GPR176: variants seen among roughly 807,000 people sequenced by gnomAD.
The protein encoded by GPR176 is G protein-coupled receptor 176.
In GPR176, 26 loss-of-function variants were observed where a neutral mutation model predicts 35.4. The observed-to-expected ratio is 0.74, with a 90% CI of 0.54 to 1.02. The LOEUF is 1.02. Among genes scored for constraint, GPR176 ranks in the 50% least tolerant of loss-of-function variants. The probability of loss-of-function intolerance (pLI) is 0.00; values close to 1 mark genes in which losing one functional copy is unlikely to be tolerated. For missense variants in GPR176, 597 were observed against 665.3 expected (o/e 0.90, Z 1.13); for synonymous variants, 278 against 271.3 (o/e 1.02, Z -0.24).
At chr15:39,850,599 G>C (rs561632918) in intron 1 of GPR176, among the ~76,000 whole-genome samples, 18 of 152,074 alleles carry the variant, frequency 1.2e-4, no homozygotes, top group African/African-American at 4.3e-4. Context: ...AGTAGGTGTG[G>C]TTATAAAAGG....
At chr15:39,827,291 C>T (rs1168280339) in intron 1 of GPR176, among the ~76,000 whole-genome samples, 1 of 152,178 alleles carries the variant, frequency 6.6e-6, no homozygotes, top group Non-Finnish European at 1.5e-5. Context: ...TTTCAGCCCT[C>T]TGCTGTCAAA....
rs201122190 is a variant in GPR176, at chr15:39,889,548, A to AAAAATAAAATAAAAT, written c.172+30292_172+30306dup. Among the ~76,000 whole-genome samples the AAAAATAAAATAAAAT allele has an allele frequency of 9.3e-3, 1,236 of 132,762 alleles. 14 individuals are homozygous for AAAAATAAAATAAAAT. The highest frequency in any genetic ancestry group is 0.022 in the African/African-American group (760 of 34,080). The allele number at this position is 132,762 out of a possible 152,430, so 87.1% of individuals were successfully genotyped here. On this transcript the variant is annotated intron_variant, in intron 1 of 2. Coordinates refer to ENST00000561100, the MANE Select transcript of GPR176 (RefSeq NM_007223.3). ...GGCAATAACAGCAAAATTCCATCTCAAAAATAAAATAAAATAAAATAAAAT... is the reference window on the plus strand; with the variant it reads ...GGCAATAACAGCAAAATTCCATCTCAAAAATAAAATAAAATAAAATAAAATAAAATAAAATAAAAT...
Position 39,855,886 on chromosome 15 carries a change from T to A in GPR176, c.173-48628A>T, listed in dbSNP as rs2031183181. Reference sequence around the variant, plus strand: ...ACACAGTAACACTTACTAAACTTACTAAGACTGCAGTGCTATGTTCTAACC... The same window carrying A: ...ACACAGTAACACTTACTAAACTTACAAAGACTGCAGTGCTATGTTCTAACC... On this transcript the variant is annotated intron_variant, in intron 1 of 2. Coordinates refer to ENST00000561100, the MANE Select transcript of GPR176 (RefSeq NM_007223.3). 2.0e-5 allele frequency among the ~76,000 whole-genome samples: 3 copies of A among 152,222 alleles called. No homozygotes were observed. In the South Asian group the frequency reaches 6.2e-4, roughly 32 times the overall value.
chr15:39,878,930 C>T (rs1402377769), intron 1 of GPR176, among the ~76,000 whole-genome samples: 3 of 152,238 alleles, frequency 2.0e-5, no homozygotes, highest in South Asian at 4.1e-4. Context: ...ACTGAGGACA[C>T]GGTCCTTCCT....
intron 1 of GPR176, among the ~76,000 whole-genome samples, chr15:39,895,004 G>T (rs926742799): frequency 6.6e-6 from 1 of 152,238 alleles, no homozygotes; most frequent in Non-Finnish European, 1.5e-5. Context: ...CGAGGCTGGC[G>T]GATCACTTGC....
intron 1 of GPR176, chr15:39,813,080 T>C (rs1899676766): frequency 1.3e-5 from 2 of 152,220 alleles, no homozygotes; most frequent in Middle Eastern, 3.2e-3. Context: ...TGTCTTTTAA[T>C]TGGTATATTT....
chr15:39,868,148 C>T (rs1329958273), intron 1 of GPR176, among the ~76,000 whole-genome samples: 1 of 152,116 alleles, frequency 6.6e-6, no homozygotes, highest in Non-Finnish European at 1.5e-5. Context: ...CTGAGTTTTA[C>T]ACTGGTGCAA....
chr15:39,853,661 G>A (rs1415912498), intron 1 of GPR176, among the ~76,000 whole-genome samples: 1 of 152,092 alleles, frequency 6.6e-6, no homozygotes, highest in African/African-American at 2.4e-5. Context: ...TTGTCCCCCT[G>A]GGAACATTTG....
At chr15:39,893,405 A>G (rs2032948604) in intron 1 of GPR176, among the ~76,000 whole-genome samples, 1 of 152,032 alleles carries the variant, frequency 6.6e-6, no homozygotes, top group Non-Finnish European at 1.5e-5. Flanking sequence ...TGTTTCAGAG[A>G]GCACAGGGTT....
intron 1 of GPR176, among the ~76,000 whole-genome samples, chr15:39,909,247 T>C (rs2033512176): frequency 6.6e-6 from 1 of 152,196 alleles, no homozygotes; most frequent in Non-Finnish European, 1.5e-5. Flanking sequence ...AGGGAGATGA[T>C]GGATGCCTCT....
At chr15:39,912,471 T>C (rs2140878910) in intron 1 of GPR176, among the ~76,000 whole-genome samples, 1 of 151,488 alleles carries the variant, frequency 6.6e-6, no homozygotes, top group East Asian at 1.9e-4. Context: ...AAAAAAAAAT[T>C]ATCCAGGTGT....
intron 1 of GPR176, 74 bp downstream of exon 1, chr15:39,919,781 C>T: frequency 1.7e-6 from 2 of 1,211,448 alleles, no homozygotes; most frequent in Non-Finnish European, 1.1e-6. Flanking sequence ...GGCGGCTGGG[C>T]GGCCCTGCTC....
At chr15:39,811,334 A>G (rs1461774706) in intron 1 of GPR176, among the ~76,000 whole-genome samples, 1 of 151,996 alleles carries the variant, frequency 6.6e-6, no homozygotes, top group Non-Finnish European at 1.5e-5. Flanking sequence ...CAGCTAGAAC[A>G]TTTACATTTA....
intron 2 of GPR176, among the ~76,000 whole-genome samples, chr15:39,804,939 G>A (rs979197905): frequency 2.0e-5 from 3 of 152,190 alleles, no homozygotes; most frequent in African/African-American, 7.2e-5. Flanking sequence ...CTGGGGATGG[G>A]CACAAGGAGT....
intron 1 of GPR176, among the ~76,000 whole-genome samples, chr15:39,883,992 G>C (rs917684333): frequency 1.5e-4 from 23 of 152,300 alleles, no homozygotes; most frequent in African/African-American, 5.1e-4. Context: ...ACAGATTTAT[G>C]GACGGATGTG....
At chr15:39,919,583 G>C (rs1489729745) in intron 1 of GPR176, among the ~76,000 whole-genome samples, 1 of 152,172 alleles carries the variant, frequency 6.6e-6, no homozygotes, top group Non-Finnish European at 1.5e-5. Context: ...TTCCGCCGGG[G>C]CCATCTGAGG....
chr15:39,910,279 G>C (rs1375586058), intron 1 of GPR176, among the ~76,000 whole-genome samples: 1 of 152,172 alleles, frequency 6.6e-6, no homozygotes, highest in Non-Finnish European at 1.5e-5. Context: ...TACACAGAAA[G>C]CATCGGTATC....
At chr15:39,865,262 C>T (rs1312316123) in intron 1 of GPR176, among the ~76,000 whole-genome samples, 2 of 152,096 alleles carry the variant, frequency 1.3e-5, no homozygotes, top group Non-Finnish European at 2.9e-5. Context: ...AAGTTTATCA[C>T]AGCACTATCC....
intron 1 of GPR176, among the ~76,000 whole-genome samples, chr15:39,866,093 T>C (rs1230244541): frequency 3.3e-5 from 5 of 151,962 alleles, no homozygotes; most frequent in African/African-American, 1.2e-4. Flanking sequence ...AAAAGAAAAG[T>C]GTAGAAAAGA....
Sources: gnomAD v4.1 joint callset for allele counts (sites outside exome capture counted in the v4.1 genomes callset) on GRCh38, gnomAD v4.1.1 for gene constraint, MANE v1.5 for transcripts, NCBI Gene and HGNC (gene_info 2026-07-23, HGNC 2026-07-21) for gene names.